The following CSMD1 variants were observed in gnomAD, a reference collection of about 807,000 sequenced individuals.
CSMD1 encodes the protein CUB and Sushi multiple domains 1.
In CSMD1, 213 loss-of-function variants were observed where a neutral mutation model predicts 417.5. The ratio of observed to expected loss-of-function variants is 0.51; its 90% CI spans 0.46 to 0.57. The LOEUF (loss-of-function observed/expected upper bound fraction) is 0.57. Ranked by LOEUF, CSMD1 falls within the 20% of genes least tolerant of loss-of-function variation. The probability of loss-of-function intolerance (pLI) is 0.00; values close to 1 mark genes in which losing one functional copy is unlikely to be tolerated. For missense variants in CSMD1, 6,923 were observed against 4,529.7 expected (o/e 1.53, Z -15.17); for synonymous variants, 2,862 against 1,736.8 (o/e 1.65, Z -16.11).
intron 3 of CSMD1, among the ~76,000 whole-genome samples, chr8:4,285,509 G>C (rs112053515): frequency 6.6e-6 from 1 of 152,282 alleles, no homozygotes; most frequent in African/African-American, 2.4e-5. Context: ...AGAGGATGAA[G>C]ACAGATCTCT....
chr8:4,668,160 C>G (rs557023475), intron 1 of CSMD1, among the ~76,000 whole-genome samples: 40 of 152,230 alleles, frequency 2.6e-4, no homozygotes, highest in Non-Finnish European at 4.3e-4. Flanking sequence ...GTTTAATCAA[C>G]TGCACTGCCA....
At chr8:4,203,364 C>G (rs898435901) in intron 3 of CSMD1, among the ~76,000 whole-genome samples, 2 of 152,130 alleles carry the variant, frequency 1.3e-5, no homozygotes, top group Admixed American at 6.5e-5. Flanking sequence ...AGCCTTCCAA[C>G]CTGTGGAAAT....
intron 1 of CSMD1, among the ~76,000 whole-genome samples, chr8:4,828,343 G>C (rs1799952164): frequency 1.3e-5 from 2 of 152,158 alleles, no homozygotes; most frequent in African/African-American, 2.4e-5. Context: ...AAATAAGGTA[G>C]CATAAGCCCA....
intron 25 of CSMD1, among the ~76,000 whole-genome samples, chr8:3,305,269 G>A (rs1191640136): frequency 6.6e-6 from 1 of 152,092 alleles, no homozygotes; most frequent in Non-Finnish European, 1.5e-5. Flanking sequence ...ATAACTTAGT[G>A]TTGTCCCAAC....
intron 10 of CSMD1, among the ~76,000 whole-genome samples, chr8:3,556,581 C>A (rs963537678): frequency 6.7e-6 from 1 of 150,046 alleles, no homozygotes; most frequent in Non-Finnish European, 1.5e-5. Context: ...TGGAAAAGTT[C>A]AATATCACTC....
intron 5 of CSMD1, among the ~76,000 whole-genome samples, chr8:3,897,703 A>T (rs1219996082): frequency 2.6e-5 from 4 of 152,164 alleles, no homozygotes; most frequent in African/African-American, 7.2e-5. Flanking sequence ...CATGCCCATA[A>T]TCCCGTGAGG....
At chr8:4,405,454 C>T (rs900012156) in intron 3 of CSMD1, among the ~76,000 whole-genome samples, 1 of 151,984 alleles carries the variant, frequency 6.6e-6, no homozygotes, top group Non-Finnish European at 1.5e-5. Context: ...GATTTTAACG[C>T]CCATCTATAG....
chr8:4,531,836 T>A lies in CSMD1; in HGVS notation c.302+105506A>T, dbSNP rs73498607. Among the ~76,000 whole-genome samples the A allele has an allele frequency of 3.1e-3, 474 of 152,294 alleles. 2 individuals are homozygous for A. The highest frequency in any genetic ancestry group is 0.011 in the African/African-American group (458 of 41,556). On this transcript the variant is annotated intron_variant, in intron 2 of 69. Coordinates refer to ENST00000635120, the MANE Select transcript of CSMD1 (RefSeq NM_033225.6). Reference sequence around the variant, plus strand: ...ATCCCTTTTCAGAAACTTTTATCACTTTGAAAAGAAATCCTGCACCGCATT... The same window carrying A: ...ATCCCTTTTCAGAAACTTTTATCACATTGAAAAGAAATCCTGCACCGCATT...
intron 4 of CSMD1, among the ~76,000 whole-genome samples, chr8:4,012,659 T>A: frequency 6.6e-6 from 1 of 152,176 alleles, no homozygotes; most frequent in Non-Finnish European, 1.5e-5. Context: ...CATGAATGTC[T>A]CCTGAATTCC....
chr8:4,754,840 C>T (rs1294922516), intron 1 of CSMD1, among the ~76,000 whole-genome samples: 1 of 150,786 alleles, frequency 6.6e-6, no homozygotes, highest in East Asian at 2.0e-4. Flanking sequence ...CGGAGCAAGA[C>T]TTAAAAAAAC....
Position 3,276,697 on chromosome 8 carries a change from T to C in CSMD1, c.4153+7447A>G, listed in dbSNP as rs938000913. Reference sequence around the variant, plus strand: ...TACATATTTATTAAAGGCTTTACTATGAAAATTTTGAATTAAGCTCAGCTC... The same window carrying C: ...TACATATTTATTAAAGGCTTTACTACGAAAATTTTGAATTAAGCTCAGCTC... On this transcript the variant is annotated intron_variant, in intron 26 of 69. Transcript: ENST00000635120. Among the ~76,000 whole-genome samples the C allele has an allele frequency of 6.6e-5, 10 of 152,298 alleles. No homozygotes were observed. In the South Asian group the frequency reaches 1.9e-3, roughly 28 times the overall value.
chr8:4,392,185 G>C (rs914111539), intron 3 of CSMD1, among the ~76,000 whole-genome samples: 3 of 152,190 alleles, frequency 2.0e-5, no homozygotes, highest in Non-Finnish European at 1.5e-5. Flanking sequence ...AACGTGCTAA[G>C]TCTTGAGGTT....
chr8:4,156,360 A>G (rs1796834503), intron 3 of CSMD1, among the ~76,000 whole-genome samples: 1 of 152,144 alleles, frequency 6.6e-6, no homozygotes, highest in African/African-American at 2.4e-5. Context: ...TTTTGATAAA[A>G]CTTAAATGAA....
intron 7 of CSMD1, among the ~76,000 whole-genome samples, chr8:3,648,611 C>G (rs368927594): frequency 7.2e-5 from 11 of 152,290 alleles, no homozygotes; most frequent in African/African-American, 1.4e-4. Flanking sequence ...TAATGACTTT[C>G]CCAAGAACGA....
intron 3 of CSMD1, among the ~76,000 whole-genome samples, chr8:4,050,844 G>A (rs780782342): frequency 6.6e-6 from 1 of 152,126 alleles, no homozygotes. Flanking sequence ...AAATTTTAGA[G>A]AAGATTCTGG....
At chr8:3,029,220 G>T in intron 51 of CSMD1, 99 bp downstream of exon 51, 1 of 897,342 alleles carries the variant, frequency 1.1e-6, no homozygotes, top group East Asian at 2.6e-5. Context: ...TAGGACTATG[G>T]TAGATGATAG....
At chr8:3,288,773 G>T (rs1431104621) in intron 25 of CSMD1, among the ~76,000 whole-genome samples, 1 of 146,486 alleles carries the variant, frequency 6.8e-6, no homozygotes, top group East Asian at 2.0e-4. Context: ...TTGATTTTTT[G>T]AAGGGTTTTT....
chr8:3,589,139 A>T (rs1035542959), intron 8 of CSMD1, among the ~76,000 whole-genome samples: 5 of 152,184 alleles, frequency 3.3e-5, no homozygotes, highest in African/African-American at 1.2e-4. Flanking sequence ...TAGAAATGTA[A>T]AATATGTAAA....
At chr8:3,474,993 T>G (rs1258856247) in intron 11 of CSMD1, among the ~76,000 whole-genome samples, 4 of 152,200 alleles carry the variant, frequency 2.6e-5, no homozygotes, top group Non-Finnish European at 5.9e-5. Context: ...TGTAAAACTC[T>G]GTCATCTCCC....
Sources: gnomAD v4.1 joint callset for allele counts (sites outside exome capture counted in the v4.1 genomes callset) on GRCh38, gnomAD v4.1.1 for gene constraint, MANE v1.5 for transcripts, NCBI Gene and HGNC (gene_info 2026-07-23, HGNC 2026-07-21) for gene names.